The following PRKCE variants were observed in gnomAD, a reference collection of about 807,000 sequenced individuals.
PRKCE encodes protein kinase C epsilon.
PRKCE carries 16 observed loss-of-function variants against 85.4 expected under a neutral mutation model. The observed-to-expected ratio is 0.19, with a 90% CI of 0.13 to 0.28. The LOEUF (loss-of-function observed/expected upper bound fraction) is 0.28. Among genes scored for constraint, PRKCE ranks in the 10% least tolerant of loss-of-function variants. The pLI is 1.00. For missense variants in PRKCE, 573 were observed against 975.2 expected (o/e 0.59, Z 5.49); for synonymous variants, 388 against 371.5 (o/e 1.04, Z -0.51).
rs1231611195 is a variant in PRKCE, at chr2:46,086,380, C to G, written c.1592+18C>G. 6.3e-7 allele frequency: 1 copy of G among 1,590,776 alleles called. No homozygotes were observed. ...ATCTACAGGTAGCCTCTTCTCTCCTCCTCTTTCCTGAAAGTGAAGAAAATA... is the reference window on the plus strand; with the variant it reads ...ATCTACAGGTAGCCTCTTCTCTCCTGCTCTTTCCTGAAAGTGAAGAAAATA... On this transcript the variant is annotated intron_variant, in intron 11 of 14. Coordinates refer to ENST00000306156, the MANE Select transcript of PRKCE (RefSeq NM_005400.3).
Position 45,685,023 on chromosome 2 carries a change from T to A in PRKCE, c.348+32575T>A, listed in dbSNP as rs146500000. Among the ~76,000 whole-genome samples the A allele has an allele frequency of 1.5e-3, 234 of 152,320 alleles. 1 individual carries two copies. The highest frequency in any genetic ancestry group is 5.4e-3 in the African/African-American group (226 of 41,576). On this transcript the variant is annotated intron_variant, in intron 1 of 14. Transcript: ENST00000306156. Reference sequence around the variant, plus strand: ...TTCCTGGCTTTTTCCTCATGGCCCTTCTTTCACTTTGTGGTCTGAAAATTG... The same window carrying A: ...TTCCTGGCTTTTTCCTCATGGCCCTACTTTCACTTTGTGGTCTGAAAATTG...
At chr2:45,713,297 A>G (rs1679820397) in intron 1 of PRKCE, among the ~76,000 whole-genome samples, 1 of 152,236 alleles carries the variant, frequency 6.6e-6, no homozygotes, top group African/African-American at 2.4e-5. Flanking sequence ...GAAGAGCCAC[A>G]GGAGAGCATA....
intron 2 of PRKCE, among the ~76,000 whole-genome samples, chr2:45,882,225 A>G (rs1694941686): frequency 6.6e-6 from 1 of 152,192 alleles, no homozygotes. Flanking sequence ...CCATGGTGAT[A>G]TACCTCCATG....
intron 1 of PRKCE, among the ~76,000 whole-genome samples, chr2:45,660,019 A>C (rs1572874345): frequency 6.6e-6 from 1 of 152,220 alleles, no homozygotes; most frequent in Non-Finnish European, 1.5e-5. Flanking sequence ...TGAATGAATA[A>C]ATTGTTGAAT....
chr2:45,670,780 C>G (rs1255818316), intron 1 of PRKCE, among the ~76,000 whole-genome samples: 3 of 152,316 alleles, frequency 2.0e-5, no homozygotes, highest in African/African-American at 7.2e-5. Context: ...GGCTTTTGAC[C>G]TAGGCCTTGA....
intron 2 of PRKCE, among the ~76,000 whole-genome samples, chr2:45,897,245 G>A (rs986020558): frequency 1.3e-5 from 2 of 151,570 alleles, no homozygotes; most frequent in African/African-American, 2.4e-5. Flanking sequence ...TCCATCTATC[G>A]GCCCGTCCAT....
intron 2 of PRKCE, among the ~76,000 whole-genome samples, chr2:45,964,357 A>G (rs1182734103): frequency 6.6e-6 from 1 of 152,188 alleles, no homozygotes; most frequent in Non-Finnish European, 1.5e-5. Context: ...GTGCCCGAGA[A>G]TGCAGCAATT....
intron 1 of PRKCE, among the ~76,000 whole-genome samples, chr2:45,820,875 TCTGTCTC>T (rs1426319293): frequency 1.3e-5 from 2 of 152,146 alleles, no homozygotes; most frequent in Non-Finnish European, 2.9e-5. Flanking sequence ...CACCTGGCCT[TCTGTCTC>T]CCCACCCCCT....
intron 10 of PRKCE, chr2:46,073,687 C>T (rs1668271999): frequency 6.6e-6 from 1 of 152,090 alleles, no homozygotes. Flanking sequence ...GAAGACTGTT[C>T]TGAGACTAAT....
At chr2:45,753,733 C>T (rs1255521145) in intron 1 of PRKCE, among the ~76,000 whole-genome samples, 2 of 152,152 alleles carry the variant, frequency 1.3e-5, no homozygotes, top group Admixed American at 6.6e-5. Flanking sequence ...ACTCCCATGT[C>T]CCCATCATCT....
intron 1 of PRKCE, among the ~76,000 whole-genome samples, chr2:45,778,558 T>C (rs1382764237): frequency 6.6e-6 from 1 of 151,994 alleles, no homozygotes; most frequent in Non-Finnish European, 1.5e-5. Flanking sequence ...CCCACACACA[T>C]CTCCCCCTCT....
chr2:45,937,697 A>G (rs1436909004), intron 2 of PRKCE, among the ~76,000 whole-genome samples: 1 of 152,150 alleles, frequency 6.6e-6, no homozygotes, highest in East Asian at 1.9e-4. Flanking sequence ...CCTGGGTGAC[A>G]AAGTGAGACT....
intron 1 of PRKCE, among the ~76,000 whole-genome samples, chr2:45,739,786 A>G (rs545054670): frequency 7.9e-5 from 12 of 152,204 alleles, no homozygotes; most frequent in African/African-American, 2.4e-4. Flanking sequence ...ACAAGACTGT[A>G]TATATTTGTC....
chr2:45,725,520 A>C (rs560307125), intron 1 of PRKCE, among the ~76,000 whole-genome samples: 1 of 152,300 alleles, frequency 6.6e-6, no homozygotes, highest in Non-Finnish European at 1.5e-5. Flanking sequence ...AAGTCAATTG[A>C]AAACCTTCTG....
At chr2:45,815,608 C>T (rs1688980943) in intron 1 of PRKCE, among the ~76,000 whole-genome samples, 1 of 152,332 alleles carries the variant, frequency 6.6e-6, no homozygotes, top group South Asian at 2.1e-4. Context: ...AGCCTAAGTA[C>T]AAATCCCTCA....
chr2:46,008,270 T>C (rs900925212), intron 9 of PRKCE, among the ~76,000 whole-genome samples: 4 of 152,164 alleles, frequency 2.6e-5, no homozygotes, highest in African/African-American at 9.7e-5. Flanking sequence ...CTGTTCCCAC[T>C]GAGATGAACA....
intron 2 of PRKCE, among the ~76,000 whole-genome samples, chr2:45,851,121 C>T (rs1692219601): frequency 1.3e-5 from 2 of 152,226 alleles, no homozygotes; most frequent in South Asian, 4.1e-4. Flanking sequence ...CAAACACTTC[C>T]ACGTGATCAC....
At chr2:45,790,423 C>T (rs1329997731) in intron 1 of PRKCE, among the ~76,000 whole-genome samples, 1 of 152,220 alleles carries the variant, frequency 6.6e-6, no homozygotes, top group African/African-American at 2.4e-5. Flanking sequence ...CTCAAATCTG[C>T]TAATAGGGCC....
At chr2:45,718,114 T>C (rs1035702109) in intron 1 of PRKCE, among the ~76,000 whole-genome samples, 99 of 152,164 alleles carry the variant, frequency 6.5e-4, no homozygotes, top group Admixed American at 5.8e-3. Context: ...TAACTTTTCA[T>C]TGGAGGAGGC....
Sources: gnomAD v4.1 joint callset for allele counts (sites outside exome capture counted in the v4.1 genomes callset) on GRCh38, gnomAD v4.1.1 for gene constraint, MANE v1.5 for transcripts, NCBI Gene and HGNC (gene_info 2026-07-23, HGNC 2026-07-21) for gene names.